The following FLI1 variants were observed in gnomAD, a reference collection of about 807,000 sequenced individuals.
FLI1 encodes the protein Friend leukemia integration 1 transcription factor.
In FLI1, 13 loss-of-function variants were observed where a neutral mutation model predicts 53.1. The observed-to-expected ratio is 0.24, with a 90% CI of 0.16 to 0.39. FLI1 has a LOEUF of 0.39. Among genes scored for constraint, FLI1 ranks in the 10% least tolerant of loss-of-function variants. The pLI is 1.00. For synonymous variants in FLI1, 244 were observed against 236.7 expected (o/e 1.03, Z -0.28); for missense variants, 424 against 600.5 (o/e 0.71, Z 3.07).
intron 1 of FLI1, among the ~76,000 whole-genome samples, chr11:128,713,909 C>T (rs1479806239): frequency 6.6e-6 from 1 of 152,110 alleles, no homozygotes; most frequent in African/African-American, 2.4e-5. Flanking sequence ...TAACCATAGT[C>T]CCCCCAGGCA....
intron 1 of FLI1, among the ~76,000 whole-genome samples, chr11:128,750,852 T>A (rs1940613823): frequency 1.3e-5 from 2 of 152,236 alleles, no homozygotes; most frequent in Non-Finnish European, 2.9e-5. Context: ...ATAAGTGAAA[T>A]TTTTAAATTC....
intron 1 of FLI1, among the ~76,000 whole-genome samples, chr11:128,751,492 GAC>G (rs1360771203): frequency 7.2e-5 from 11 of 151,786 alleles, no homozygotes; most frequent in Non-Finnish European, 1.2e-4. Flanking sequence ...TAGGACCACA[GAC>G]ACACCACCAC....
At position 128,694,116 on chromosome 11, in the gene FLI1, GGCAGGGCGCTC is replaced by G; in HGVS notation, c.-136_-126del. 2.7e-6 allele frequency: 2 copies of G among 739,408 alleles called. No individual in the cohort carries two copies. The highest frequency in any genetic ancestry group is 2.8e-4 in the Middle Eastern group (1 of 3,604). The allele number at this position is 739,408 out of a possible 1,614,324, so 45.8% of individuals were successfully genotyped here. On this transcript the variant is annotated 5_prime_UTR_variant, in exon 1 of 9. Coordinates refer to ENST00000527786, the MANE Select transcript of FLI1 (RefSeq NM_002017.5). ...CAACAAACGTGCACAGGGGAGTGAG[GGCAGGGCGCTC>G]GCAGGGGGCACGCAGGGAGGGCCCA...
chr11:128,752,753 T>G (rs1940704494), intron 1 of FLI1, among the ~76,000 whole-genome samples: 2 of 152,336 alleles, frequency 1.3e-5, no homozygotes, highest in East Asian at 3.9e-4. Context: ...TTAAATTAGG[T>G]TACTCATGTA....
At chr11:128,697,523 C>T (rs1938135139) in intron 1 of FLI1, among the ~76,000 whole-genome samples, 1 of 150,908 alleles carries the variant, frequency 6.6e-6, no homozygotes, top group Admixed American at 6.6e-5. Flanking sequence ...TAGCTGGATA[C>T]ACATTAAATT....
At chr11:128,741,501 T>A (rs537644274) in intron 1 of FLI1, among the ~76,000 whole-genome samples, 19 of 152,356 alleles carry the variant, frequency 1.2e-4, no homozygotes, top group Admixed American at 5.2e-4. Context: ...TACTGTGGAC[T>A]CTCTCTCCCG....
intron 1 of FLI1, among the ~76,000 whole-genome samples, chr11:128,700,489 T>C (rs1266309378): frequency 6.6e-6 from 1 of 152,160 alleles, no homozygotes; most frequent in African/African-American, 2.4e-5. Context: ...GAGTGGAGGG[T>C]ACTTTGGGGA....
chr11:128,767,459 G>A (rs557331965), intron 2 of FLI1, among the ~76,000 whole-genome samples: 25 of 152,262 alleles, frequency 1.6e-4, no homozygotes, highest in African/African-American at 5.1e-4. Flanking sequence ...CCCCTGTCTC[G>A]ATTTCATTAA....
chr11:128,791,539 G>C (rs1403029553), intron 5 of FLI1, among the ~76,000 whole-genome samples: 1 of 152,210 alleles, frequency 6.6e-6, no homozygotes, highest in Non-Finnish European at 1.5e-5. Flanking sequence ...GAAGCGTCTT[G>C]AAGGTAGGGA....
chr11:128,768,691 A>G (rs1941445228), intron 3 of FLI1, among the ~76,000 whole-genome samples: 2 of 95,346 alleles, frequency 2.1e-5, no homozygotes, highest in African/African-American at 6.6e-5. Context: ...TCTGTCTCAA[A>G]AAAAAAAAAA....
chr11:128,739,980 G>C (rs1377151330), intron 1 of FLI1, among the ~76,000 whole-genome samples: 1 of 152,194 alleles, frequency 6.6e-6, no homozygotes, highest in Non-Finnish European at 1.5e-5. Context: ...CCACTGGCAA[G>C]GTCTCTCATC....
intron 5 of FLI1, among the ~76,000 whole-genome samples, chr11:128,786,240 T>C (rs1942076824): frequency 1.3e-5 from 2 of 152,128 alleles, no homozygotes; most frequent in Non-Finnish European, 2.9e-5. Context: ...CTACTCCAGA[T>C]TTTCTTGGAG....
At chr11:128,692,390 A>C (rs915455609), upstream of FLI1, among the ~76,000 whole-genome samples, 1 of 152,004 alleles carries the variant, frequency 6.6e-6, no homozygotes, top group Admixed American at 6.6e-5. Flanking sequence ...TGGATTGAGA[A>C]GCAGACAGGA....
intron 1 of FLI1, among the ~76,000 whole-genome samples, chr11:128,756,438 C>G (rs987777485): frequency 1.3e-5 from 2 of 152,178 alleles, no homozygotes; most frequent in Non-Finnish European, 2.9e-5. Context: ...CTCATTTCAC[C>G]TTACCTCCTT....
chr11:128,764,960 C>T (rs1941275001), intron 2 of FLI1: 7 of 961,670 alleles, frequency 7.3e-6, no homozygotes, highest in Non-Finnish European at 1.1e-5. Flanking sequence ...GGACCGAGGA[C>T]AGGGCCATTT....
intron 2 of FLI1, 119 bp downstream of exon 2, chr11:128,758,445 A>G (rs1449713786): frequency 1.3e-6 from 1 of 774,840 alleles, no homozygotes; most frequent in African/African-American, 1.7e-5. Context: ...TGGGCCAGGA[A>G]GCCTGTGTCA....
At chr11:128,715,098 T>TA (rs1327892856) in intron 1 of FLI1, among the ~76,000 whole-genome samples, 1 of 152,130 alleles carries the variant, frequency 6.6e-6, no homozygotes, top group Non-Finnish European at 1.5e-5. Context: ...AACCAAGACA[T>TA]ACGAAACTCA....
intron 5 of FLI1, among the ~76,000 whole-genome samples, chr11:128,785,313 C>T (rs754762961): frequency 5.9e-5 from 9 of 152,038 alleles, no homozygotes; most frequent in Non-Finnish European, 1.2e-4. Context: ...CAGACACCTC[C>T]ACATGCTTTG....
rs932435501 is a variant in FLI1 at position 128,807,246 on chromosome 11, G to A, written c.781+7G>A. ...GAGCAACGGCCCCAGCCAGGTACCT[G>A]CCCAGGATATGTAATCTCTCCTTTG... On this transcript the variant is annotated splice_region_variant and intron_variant, in intron 7 of 8. Coordinates refer to ENST00000527786, the MANE Select transcript of FLI1 (RefSeq NM_002017.5). The A allele has an allele frequency of 2.5e-6, 4 of 1,594,190 alleles. No homozygotes were observed. The highest frequency in any genetic ancestry group is 3.4e-6 in the Non-Finnish European group (4 of 1,169,606).
Sources: allele counts gnomAD v4.1 joint callset (sites outside exome capture counted in the v4.1 genomes callset), GRCh38; gene constraint gnomAD v4.1.1; transcripts MANE v1.5; gene names NCBI Gene and HGNC (gene_info 2026-07-23, HGNC 2026-07-21).